The following S100B variants were observed in gnomAD, a reference collection of about 807,000 sequenced individuals.
S100B encodes S100 calcium binding protein B.
In S100B, 6 loss-of-function variants were observed where a neutral mutation model predicts 7.7. The observed-to-expected ratio is 0.78, with a 90% CI of 0.43 to 1.54. S100B has a LOEUF of 1.54. Among genes scored for constraint, S100B ranks in the 40% most tolerant of loss-of-function variants. S100B has a pLI of 0.01. For missense variants in S100B, 99 were observed against 111.8 expected, an observed-to-expected ratio of 0.89 and a Z score of 0.52; for synonymous variants, 36 against 40.4, an observed-to-expected ratio of 0.89 and a Z score of 0.41.
In S100B at chr21:46,604,407, T is replaced by G. The variant is rs533740517; in HGVS notation, c.-2+606A>C. 2.2e-4 allele frequency among the ~76,000 whole-genome samples: 33 copies of G among 152,262 alleles called. 1 individual carries two copies. The South Asian group carries it at 6.6e-3, about 31-fold the overall frequency. On this transcript the variant is annotated intron_variant, in intron 1 of 2. Coordinates refer to ENST00000291700, the MANE Select transcript of S100B (RefSeq NM_006272.3). ...ATCCCTCTAAAGAAGGGGTTCGACC[T>G]CCCTGAGAAACTGTGAGACTGAGGA...
intron 1 of S100B, 90 bp from the exon 2 acceptor site, chr21:46,602,506 A>C (rs767486821): frequency 2.0e-4 from 262 of 1,342,712 alleles, no homozygotes; most frequent in Admixed American, 1.8e-3. Context: ...AACCCAGACA[A>C]GGGGGATGGA....
intron 2 of S100B, 34 bp from the exon 3 acceptor site, chr21:46,599,537 T>G (rs1392735473): frequency 3.7e-6 from 6 of 1,608,914 alleles, no homozygotes; most frequent in Non-Finnish European, 5.1e-6. Flanking sequence ...CGACCTTGTT[T>G]TTAAATGGAA....
intron 2 of S100B, chr21:46,600,496 G>A (rs769618588): frequency 1.1e-4 from 39 of 341,632 alleles, no homozygotes; most frequent in South Asian, 6.0e-4. Flanking sequence ...AATGAGCCAA[G>A]ATTGCACCAC....
chr21:46,602,463 T>C, intron 1 of S100B, 47 bp from the exon 2 acceptor site: 1 of 1,578,882 alleles, frequency 6.3e-7, no homozygotes, highest in Non-Finnish European at 8.6e-7. Context: ...TACCTCATCC[T>C]AAAACATTTC....
chr21:46,602,633 C>T (rs553090366), intron 1 of S100B: 40 of 480,048 alleles, frequency 8.3e-5, no homozygotes, highest in Non-Finnish European at 1.1e-5. Context: ...TGTGGGCCTG[C>T]CTTCTCTGTC....
At chr21:46,600,443 G>C (rs556500403) in intron 2 of S100B, 4 of 394,272 alleles carry the variant, frequency 1.0e-5, no homozygotes, top group African/African-American at 6.4e-5. Context: ...CTACTCAGGA[G>C]GCTGAGGCGG....
Position 46,600,499 on chromosome 21 carries a change from T to C in S100B, c.139-996A>G, listed in dbSNP as rs1027688502. The C allele has an allele frequency of 3.4e-5, 11 of 325,004 alleles. No homozygotes were observed. In the Admixed American group the frequency reaches 4.6e-4, roughly 14 times the overall value. 20.1% of individuals were successfully genotyped at this position (325,004 alleles called of 1,614,324 possible). ...GGTTGAGGCTGCAATGAGCCAAGATTGCACCACTGCACTCCAACCTGGGTG... is the reference window on the plus strand; with the variant it reads ...GGTTGAGGCTGCAATGAGCCAAGATCGCACCACTGCACTCCAACCTGGGTG... On this transcript the variant is annotated intron_variant, in intron 2 of 2. Transcript: ENST00000291700.
intron 2 of S100B, among the ~76,000 whole-genome samples, chr21:46,599,982 C>T (rs748478543): frequency 3.3e-5 from 5 of 152,154 alleles, no homozygotes; most frequent in Non-Finnish European, 4.4e-5. Context: ...ACCCTGTATT[C>T]TTTTTCCCAC....
intron 1 of S100B, among the ~76,000 whole-genome samples, chr21:46,603,392 A>AGGGGGGGGGGGG: frequency 2.6e-5 from 1 of 38,206 alleles, no homozygotes; most frequent in Non-Finnish European, 4.9e-5. Context: ...GGACGGCGGG[A>AGGGGGGGGGGGG]GGGGGTGGGG....
At chr21:46,602,614 T>C in intron 1 of S100B, 198 bp from the exon 2 acceptor site, 1 of 526,324 alleles carries the variant, frequency 1.9e-6, no homozygotes, top group Non-Finnish European at 3.3e-6. Context: ...CACCGGCCTC[T>C]TAGACAGCTG....
intron 1 of S100B, 60 bp from the exon 2 acceptor site, chr21:46,602,476 A>G (rs763379170): frequency 1.7e-5 from 26 of 1,543,294 alleles, no homozygotes; most frequent in Admixed American, 3.7e-5. Context: ...AACATTTCAT[A>G]TGTTATCAAT....
In S100B at chr21:46,602,332, C is replaced by T. The variant is rs750314847; in HGVS notation, c.84G>A (p.Leu28=). 1 of 1,614,056 alleles carries T rather than the reference C, an allele frequency of 6.2e-7. No individual in the cohort carries two copies. Among genetic ancestry groups the T allele is most frequent in the Non-Finnish European group, 8.5e-7 (1 of 1,179,890 alleles). ...TGAGCTCCTTCAGTTCGGATTTCTT[C>T]AGCTTGTGCTTGTCTCCCTCCCTTC... ...YSGREGDKHK[L]KKSELKELIN... Residue 28 remains leucine (L), a synonymous_variant, in exon 2 of 3, where the codon CTG becomes CTA. Transcript: ENST00000291700.
intron 2 of S100B, among the ~76,000 whole-genome samples, chr21:46,600,653 T>C (rs1248458535): frequency 6.6e-6 from 1 of 152,192 alleles, no homozygotes; most frequent in Non-Finnish European, 1.5e-5. Flanking sequence ...TCAATTATAT[T>C]ATACATCTGC....
At chr21:46,604,192 C>A (rs528426497) in intron 1 of S100B, among the ~76,000 whole-genome samples, 1 of 152,240 alleles carries the variant, frequency 6.6e-6, no homozygotes, top group South Asian at 2.1e-4. Flanking sequence ...CAATTAAATT[C>A]TTGTTAAATT....
chr21:46,600,670 A>G (rs543577512), intron 2 of S100B, among the ~76,000 whole-genome samples: 2 of 152,328 alleles, frequency 1.3e-5, no homozygotes, highest in East Asian at 3.9e-4. Flanking sequence ...CTGCTTCCGA[A>G]CTGAAATTAC....
intron 1 of S100B, among the ~76,000 whole-genome samples, chr21:46,604,053 ATTGT>A (rs1412639940): frequency 6.6e-6 from 1 of 152,210 alleles, no homozygotes; most frequent in Non-Finnish European, 1.5e-5. Flanking sequence ...AGGAGGTTAA[ATTGT>A]TTTTCTATGA....
chr21:46,603,573 T>C (rs536534480), intron 1 of S100B, among the ~76,000 whole-genome samples: 17 of 152,332 alleles, frequency 1.1e-4, no homozygotes, highest in African/African-American at 4.1e-4. Flanking sequence ...AGATGCGCAG[T>C]CAGAGAAATT....
rs145345307 is a variant in S100B, at chr21:46,603,611, C to A, written c.-1-1195G>T. 2.9e-4 allele frequency among the ~76,000 whole-genome samples: 44 copies of A among 152,224 alleles called. No homozygotes were observed. The East Asian group carries it at 6.4e-3, about 22-fold the overall frequency. On this transcript the variant is annotated intron_variant, in intron 1 of 2. Coordinates refer to ENST00000291700, the MANE Select transcript of S100B (RefSeq NM_006272.3). ...CCAGCTTTTGGCCTTGAGTTCTAATCATTAAATAAGAACGTTTGCGCTGTC... is the reference window on the plus strand; with the variant it reads ...CCAGCTTTTGGCCTTGAGTTCTAATAATTAAATAAGAACGTTTGCGCTGTC...
chr21:46,604,180 A>G (rs974449866), intron 1 of S100B, among the ~76,000 whole-genome samples: 1 of 152,230 alleles, frequency 6.6e-6, no homozygotes, highest in Non-Finnish European at 1.5e-5. Flanking sequence ...CACACTACAA[A>G]TCAATTAAAT....
Sources: allele counts gnomAD v4.1 joint callset (sites outside exome capture counted in the v4.1 genomes callset), GRCh38; gene constraint gnomAD v4.1.1; transcripts MANE v1.5; gene names NCBI Gene and HGNC (gene_info 2026-07-23, HGNC 2026-07-21).